Variants in SEZ6L observed in about 807,000 individuals in gnomAD.
SEZ6L encodes the protein seizure 6-like protein.
A neutral mutation model predicts 106.2 loss-of-function variants in SEZ6L; 37 were observed. That is an observed-to-expected ratio of 0.35 (90% CI 0.27 to 0.46). The LOEUF is 0.46. Ranked by LOEUF, SEZ6L falls within the 20% of genes least tolerant of loss-of-function variation. The probability of loss-of-function intolerance (pLI) is 1.00; values close to 1 mark genes in which losing one functional copy is unlikely to be tolerated. For synonymous variants in SEZ6L, 541 were observed against 570.4 expected (o/e 0.95, Z 0.73); for missense variants, 1,172 against 1,332.8 (o/e 0.88, Z 1.88).
intron 1 of SEZ6L, 61 bp from the exon 2 acceptor site, chr22:26,292,345 G>T: frequency 7.3e-7 from 1 of 1,376,928 alleles, no homozygotes; most frequent in South Asian, 1.3e-5. Flanking sequence ...CTCAGAGTCT[G>T]ACAGCAGGTG....
intron 1 of SEZ6L, among the ~76,000 whole-genome samples, chr22:26,272,604 A>G (rs1341390206): frequency 6.6e-6 from 1 of 152,162 alleles, no homozygotes; most frequent in African/African-American, 2.4e-5. Context: ...TAGAGAGGAA[A>G]AAGCAGGGAC....
intron 1 of SEZ6L, among the ~76,000 whole-genome samples, chr22:26,215,775 A>G (rs1487108112): frequency 6.6e-6 from 1 of 152,112 alleles, no homozygotes; most frequent in Non-Finnish European, 1.5e-5. Flanking sequence ...CTTGTCAGGG[A>G]TCCTTTCAGA....
At chr22:26,278,792 GGGAGGGAGGAAGGAAGGAATGAAGGAGA>G in intron 1 of SEZ6L, among the ~76,000 whole-genome samples, 5 of 149,552 alleles carry the variant, frequency 3.3e-5, no homozygotes, top group African/African-American at 7.4e-5. Context: ...AAGGAAGGAA[GGGAGGGAGGAAGGAAGGAATGAAGGAGA>G]GAAAGAAACA....
At chr22:26,201,382 C>CAAAAAAAAAAAAAAAA (rs71192905) in intron 1 of SEZ6L, among the ~76,000 whole-genome samples, 76 of 75,216 alleles carry the variant, frequency 1.0e-3, no homozygotes, top group East Asian at 2.2e-3. Flanking sequence ...TACAAAAATA[C>CAAAAAAAAAAAAAAAA]AAAAAAAAAA....
chr22:26,319,897 C>A lies in SEZ6L; in HGVS notation c.2015+5995C>A, dbSNP rs576452971. Reference sequence around the variant, plus strand: ...ATCATACAGACATGAGGCTTCAAAGCGAGAATTTGAACCCAAATTTATGTT... The same window carrying A: ...ATCATACAGACATGAGGCTTCAAAGAGAGAATTTGAACCCAAATTTATGTT... On this transcript the variant is annotated intron_variant, in intron 9 of 16. Transcript: ENST00000248933. Among the ~76,000 whole-genome samples, 15 of 152,122 alleles carry A rather than the reference C, an allele frequency of 9.9e-5. No individual in the cohort carries two copies. The East Asian group carries it at 2.7e-3, about 27-fold the overall frequency.
At chr22:26,185,705 C>A (rs1352632533) in intron 1 of SEZ6L, among the ~76,000 whole-genome samples, 1 of 152,084 alleles carries the variant, frequency 6.6e-6, no homozygotes, top group Non-Finnish European at 1.5e-5. Context: ...ATATGCTAAA[C>A]CCTTTACTCA....
chr22:26,334,020 G>A (rs962472036), intron 9 of SEZ6L, among the ~76,000 whole-genome samples: 4 of 152,018 alleles, frequency 2.6e-5, no homozygotes, highest in Non-Finnish European at 5.9e-5. Context: ...GGCAGGGACG[G>A]GGCAGGCGGC....
intron 11 of SEZ6L, among the ~76,000 whole-genome samples, chr22:26,349,734 C>T (rs545217907): frequency 1.7e-4 from 26 of 152,138 alleles, no homozygotes; most frequent in Middle Eastern, 3.4e-3. Flanking sequence ...AAACTCCTGG[C>T]CTCAGCCTCC....
At chr22:26,203,548 C>T (rs931485156) in intron 1 of SEZ6L, among the ~76,000 whole-genome samples, 1 of 152,218 alleles carries the variant, frequency 6.6e-6, no homozygotes, top group African/African-American at 2.4e-5. Flanking sequence ...TTTCTTTCCT[C>T]TCTGAGCCTA....
chr22:26,273,293 G>A (rs376053408), intron 1 of SEZ6L, among the ~76,000 whole-genome samples: 11 of 152,256 alleles, frequency 7.2e-5, no homozygotes, highest in African/African-American at 2.7e-4. Context: ...TGTGAAGGGG[G>A]CCAGGTGGGT....
chr22:26,279,550 G>GA (rs2080689411), intron 1 of SEZ6L, among the ~76,000 whole-genome samples: 1 of 152,146 alleles, frequency 6.6e-6, no homozygotes, highest in African/African-American at 2.4e-5. Flanking sequence ...TCATCCTGAG[G>GA]AAAAAATTGG....
chr22:26,198,186 G>A (rs527537018), intron 1 of SEZ6L, among the ~76,000 whole-genome samples: 2 of 152,340 alleles, frequency 1.3e-5, no homozygotes, highest in Admixed American at 1.3e-4. Flanking sequence ...TAATCATGCT[G>A]AGCCTCTGGT....
At chr22:26,358,078 G>T (rs2083495569) in intron 12 of SEZ6L, among the ~76,000 whole-genome samples, 1 of 152,160 alleles carries the variant, frequency 6.6e-6, no homozygotes, top group African/African-American at 2.4e-5. Flanking sequence ...GCCACCGTAG[G>T]AGCTTCCACT....
At position 26,299,165 on chromosome 22, in the gene SEZ6L, C is replaced by A; in HGVS notation, c.1344C>A (p.Cys448Ter). 6.6e-7 allele frequency: 1 copy of A among 1,505,982 alleles called. No homozygotes were observed. The highest frequency in any genetic ancestry group is 8.9e-7 in the Non-Finnish European group (1 of 1,121,626). The allele number at this position is 1,505,982 out of a possible 1,614,324, so 93.3% of individuals were successfully genotyped here. A position where few individuals can be genotyped will look rare whatever the true frequency, so the allele number is the denominator to read the frequency against. Residue 448 changes from cysteine (C) to a stop codon, truncating the protein, a stop_gained, in exon 5 of 17, where the codon TGC (cysteine) becomes TGA (stop). Coordinates refer to ENST00000248933, the MANE Select transcript of SEZ6L (RefSeq NM_021115.5). LOFTEE classifies it high-confidence loss of function. ...KPHWSSQEPICSAPCGGAVHN... is the reference protein window; with the variant it reads ...KPHWSSQEPI ...ACTGGAGCAGCCAGGAGCCCATCTGCTCAGGTATGCTCCAGCCTCAGCCGG... is the reference window on the plus strand; with the variant it reads ...ACTGGAGCAGCCAGGAGCCCATCTGATCAGGTATGCTCCAGCCTCAGCCGG...
At chr22:26,173,760 T>C (rs1938783722) in intron 1 of SEZ6L, among the ~76,000 whole-genome samples, 1 of 152,176 alleles carries the variant, frequency 6.6e-6, no homozygotes, top group African/African-American at 2.4e-5. Flanking sequence ...ATCTGGTGAG[T>C]GTCTGTCATC....
intron 6 of SEZ6L, among the ~76,000 whole-genome samples, chr22:26,307,423 T>C (rs2081665385): frequency 6.6e-6 from 1 of 152,052 alleles, no homozygotes; most frequent in African/African-American, 2.4e-5. Context: ...TTCTAATGTT[T>C]TGGCTTCTTT....
intron 5 of SEZ6L, among the ~76,000 whole-genome samples, chr22:26,304,381 A>AAAGAAAGAAAGAAAGAAAGAAAG (rs2081559813): frequency 3.1e-5 from 3 of 97,948 alleles, no homozygotes; most frequent in African/African-American, 1.3e-4. Flanking sequence ...AGAAAGAAAG[A>AAAGAAAGAAAGAAAGAAAGAAAG]AAGAAAGAAA....
rs74477819 is a variant in SEZ6L, at chr22:26,256,226, G to A, written c.95-36180G>A. The stretch of plus-strand genomic sequence containing the variant: ...GCAGATAAGCTAGAGGGGTATTCGG[G>A]GATGCCAGGGACGTGTGCATGAAAG... On this transcript the variant is annotated intron_variant, in intron 1 of 16. Coordinates refer to ENST00000248933, the MANE Select transcript of SEZ6L (RefSeq NM_021115.5). Among the ~76,000 whole-genome samples the A allele has an allele frequency of 8.3e-3, 1,260 of 152,252 alleles. 12 individuals carry two copies. Among genetic ancestry groups the A allele is most frequent in the Middle Eastern group, 0.027 (8 of 294 alleles).
At chr22:26,208,846 CTCTCTGTGTG>C (rs1191384745) in intron 1 of SEZ6L, among the ~76,000 whole-genome samples, 2,095 of 118,128 alleles carry the variant, frequency 0.018, 28 homozygotes, top group Admixed American at 0.054. Flanking sequence ...TCTTGACTCT[CTCTCTGTGTG>C]TGTGTGTGTG....
Sources: gnomAD v4.1 joint callset for allele counts (sites outside exome capture counted in the v4.1 genomes callset) on GRCh38, gnomAD v4.1.1 for gene constraint, MANE v1.5 for transcripts, NCBI Gene and HGNC (gene_info 2026-07-23, HGNC 2026-07-21) for gene names.